The following RREB1 variants were observed in gnomAD, a reference collection of about 807,000 sequenced individuals.
The protein encoded by RREB1 is ras-responsive element-binding protein 1.
Under a neutral mutation model 117.8 loss-of-function variants are expected in RREB1, and 27 were observed. That is an observed-to-expected ratio of 0.23 (90% CI 0.17 to 0.32). RREB1 has a LOEUF of 0.32. Ranked by LOEUF, RREB1 falls within the 10% of genes least tolerant of loss-of-function variation. RREB1 has a pLI of 1.00. For synonymous variants in RREB1, 1,298 were observed against 1,026.7 expected, an observed-to-expected ratio of 1.26 and a Z score of -5.05; for missense variants, 2,577 against 2,378.2, an observed-to-expected ratio of 1.08 and a Z score of -1.74.
intron 8 of RREB1, chr6:7,217,018 CTG>C (rs2113035561): frequency 6.6e-6 from 1 of 152,564 alleles, no homozygotes; most frequent in South Asian, 2.1e-4. Flanking sequence ...CATTGGGTTG[CTG>C]TGTGCAGCCT....
chr6:7,226,522 G>A lies in RREB1; in HGVS notation c.763G>A (p.Ala255Thr), dbSNP rs138181401. ...RTHRGLLRHNALVHKQLPRDA... is the reference protein window; with the variant it reads ...RTHRGLLRHNTLVHKQLPRDA... Reference sequence around the variant, plus strand: ...ACATCGAGGACTGCTGCGTCACAACGCGCTTGTCCACAAACAACTTCCCAG... The same window carrying A: ...ACATCGAGGACTGCTGCGTCACAACACGCTTGTCCACAAACAACTTCCCAG... The change falls in exon 9 of 13, where the codon GCG becomes ACG. Residue 255 changes from alanine (A) to threonine (T), a missense_variant. Ala to Thr is a moderately conservative substitution (Grantham distance 58, BLOSUM62 0). Coordinates refer to ENST00000379938, the MANE Select transcript of RREB1 (RefSeq NM_001003699.4). 841 of 1,613,980 alleles carry A rather than the reference G, an allele frequency of 5.2e-4. 1 individual carries two copies. Among genetic ancestry groups the A allele is most frequent in the Non-Finnish European group, 6.4e-4 (758 of 1,180,006 alleles).
chr6:7,200,762 C>T (rs1561777337), intron 6 of RREB1, among the ~76,000 whole-genome samples: 1 of 152,128 alleles, frequency 6.6e-6, no homozygotes, highest in Non-Finnish European at 1.5e-5. Flanking sequence ...CCTTTTTCGT[C>T]CTATCACTGG....
rs372414654 is a variant in RREB1, at chr6:7,182,543, G to A, written c.171+461G>A. Among the ~76,000 whole-genome samples the A allele has an allele frequency of 6.6e-5, 10 of 152,304 alleles. 1 individual carries two copies. In the East Asian group the frequency reaches 7.7e-4, roughly 12 times the overall value. ...TTCAGATAATTCCAGTTAAGATGCT[G>A]TTTAGTCATCTTGGATTTTCATTGG... On this transcript the variant is annotated intron_variant, in intron 4 of 12. Transcript: ENST00000379938.
chr6:7,231,447 C>A lies in RREB1; in HGVS notation c.3348C>A (p.Thr1116=), dbSNP rs376032646. 5.6e-6 allele frequency: 9 copies of A among 1,613,146 alleles called. No homozygotes were observed. The African/African-American group carries it at 1.1e-4, about 19-fold the overall frequency. The part of the protein sequence containing the change: ...GSVPKAATTA[T]PAATTSPKES... Reference sequence around the variant, plus strand: ...TCCCCAAAGCCGCCACCACCGCCACCCCCGCTGCCACCACCAGCCCAAAAG... The same window carrying A: ...TCCCCAAAGCCGCCACCACCGCCACACCCGCTGCCACCACCAGCCCAAAAG... Residue 1116 remains threonine (T), a synonymous_variant, in exon 10 of 13, where the codon ACC becomes ACA. Coordinates refer to ENST00000379938, the MANE Select transcript of RREB1 (RefSeq NM_001003699.4).
At chr6:7,188,883 C>G (rs1765246632) in intron 5 of RREB1, among the ~76,000 whole-genome samples, 3 of 152,144 alleles carry the variant, frequency 2.0e-5, no homozygotes, top group Non-Finnish European at 4.4e-5. Context: ...GTATGTGGTT[C>G]AAAGCAAGAC....
At chr6:7,119,727 A>C (rs1230768392) in intron 1 of RREB1, among the ~76,000 whole-genome samples, 4 of 152,232 alleles carry the variant, frequency 2.6e-5, no homozygotes, top group East Asian at 1.9e-4. Flanking sequence ...GTTAGGCCAG[A>C]TTAGCATGAT....
rs1364096191 is a variant in RREB1 at position 7,249,439 on chromosome 6, G to C, written c.*471G>C. The C allele has an allele frequency of 2.6e-5, 4 of 156,574 alleles. No homozygotes were observed. The highest frequency in any genetic ancestry group is 9.6e-5 in the African/African-American group (4 of 41,682). The allele number at this position is 156,574 out of a possible 1,614,324, so 9.7% of individuals were successfully genotyped here. A position where few individuals can be genotyped will look rare whatever the true frequency, so the allele number is the denominator to read the frequency against. On this transcript the variant is annotated 3_prime_UTR_variant, in exon 13 of 13. Transcript: ENST00000379938. ...CCATAGCCAATAACTGGAAGAAAAT[G>C]ATGTGAATTTCATGTAAATGACCAG... is the stretch of plus-strand genomic sequence containing the variant.
chr6:7,234,699 T>C (rs1768215033), intron 10 of RREB1, among the ~76,000 whole-genome samples: 1 of 152,260 alleles, frequency 6.6e-6, no homozygotes, highest in Admixed American at 6.5e-5. Context: ...AATATGTTCT[T>C]GGTAGAGCTA....
chr6:7,188,902 G>C (rs1765248281), intron 5 of RREB1, among the ~76,000 whole-genome samples: 1 of 152,160 alleles, frequency 6.6e-6, no homozygotes, highest in South Asian at 2.1e-4. Flanking sequence ...ACCTGGGAAG[G>C]CTCTACTTCT....
intron 11 of RREB1, among the ~76,000 whole-genome samples, chr6:7,241,033 C>T (rs1275144252): frequency 6.6e-6 from 1 of 152,126 alleles, no homozygotes; most frequent in Non-Finnish European, 1.5e-5. Context: ...CCTGGGCTCC[C>T]TGGGATATCA....
intron 11 of RREB1, among the ~76,000 whole-genome samples, chr6:7,243,623 G>A (rs572591242): frequency 1.1e-4 from 17 of 152,226 alleles, no homozygotes; most frequent in African/African-American, 4.1e-4. Flanking sequence ...TGTTTAGAAT[G>A]TGAAGGGCAC....
intron 1 of RREB1, among the ~76,000 whole-genome samples, chr6:7,158,050 G>A (rs961158339): frequency 6.6e-6 from 1 of 152,086 alleles, no homozygotes; most frequent in Non-Finnish European, 1.5e-5. Flanking sequence ...TTCATCCCAC[G>A]TGCATTCTTC....
chr6:7,137,266 CT>C lies in RREB1; in HGVS notation c.-285+29207del, dbSNP rs148542628. On this transcript the variant is annotated intron_variant, in intron 1 of 12. Coordinates refer to ENST00000379938, the MANE Select transcript of RREB1 (RefSeq NM_001003699.4). ...AGACCTGATGCCTCTCCCTTCCCCC[CT>C]GAGCCCCCAGGGAAGGAGCTGCCTT... 9.7e-4 allele frequency among the ~76,000 whole-genome samples: 148 copies of C among 152,336 alleles called. 1 individual carries two copies. Among genetic ancestry groups the C allele is most frequent in the African/African-American group, 3.5e-3 (147 of 41,578 alleles).
At chr6:7,190,077 T>C (rs1002761501) in intron 6 of RREB1, among the ~76,000 whole-genome samples, 2 of 152,238 alleles carry the variant, frequency 1.3e-5, no homozygotes, top group African/African-American at 4.8e-5. Flanking sequence ...ATTGATATGC[T>C]AGTTATATTT....
intron 12 of RREB1, 125 bp downstream of exon 12, chr6:7,247,346 C>A (rs937133979): frequency 4.8e-6 from 4 of 834,444 alleles, no homozygotes; most frequent in Non-Finnish European, 7.3e-6. Context: ...GCCGGTGTGC[C>A]CTTTAAGCCC....
chr6:7,177,422 C>T (rs1663826483), intron 2 of RREB1, among the ~76,000 whole-genome samples: 1 of 151,172 alleles, frequency 6.6e-6, no homozygotes, highest in African/African-American at 2.4e-5. Flanking sequence ...GTGTTAAAAA[C>T]TGGAACACCA....
chr6:7,196,991 T>G (rs543917696), intron 6 of RREB1, among the ~76,000 whole-genome samples: 1 of 152,232 alleles, frequency 6.6e-6, no homozygotes, highest in East Asian at 1.9e-4. Flanking sequence ...CGTTGAAAAT[T>G]TGGATTGAGT....
At chr6:7,166,088 G>T (rs76104351) in intron 1 of RREB1, among the ~76,000 whole-genome samples, 1 of 152,098 alleles carries the variant, frequency 6.6e-6, no homozygotes, top group Admixed American at 6.5e-5. Context: ...AGGGAGTGCA[G>T]TTGTGAACTA....
chr6:7,229,376 T>C lies in RREB1; in HGVS notation c.1277T>C (p.Val426Ala). The C allele has an allele frequency of 6.2e-7, 1 of 1,614,086 alleles. No individual in the cohort carries two copies. Among genetic ancestry groups the C allele is most frequent in the South Asian group, 1.1e-5 (1 of 91,088 alleles). Residue 426 changes from valine to alanine, a missense_variant, in exon 10 of 13, where the codon GTT becomes GCT. By Grantham distance (64) the Val-to-Ala change is moderately conservative (BLOSUM62 0). Transcript: ENST00000379938. This position sits in a 1 kb window ranked among gnomAD's most constrained non-coding sequence, Gnocchi z 4.5. ...GCTTCCCTAGGCGGTTCTCTCACAG[T>C]TCTCCCCGCGACCAAGGACAGCATA... ...EAASLGGSLT[V>A]LPATKDSIKH...
Sources: allele counts gnomAD v4.1 joint callset (sites outside exome capture counted in the v4.1 genomes callset), GRCh38; gene constraint gnomAD v4.1.1; non-coding constraint Gnocchi (gnomAD v3.1); transcripts MANE v1.5; gene names NCBI Gene and HGNC (gene_info 2026-07-23, HGNC 2026-07-21).